Variants in AFF3 observed in about 807,000 individuals in gnomAD.
The protein encoded by AFF3 is AF4/FMR2 family member 3.
In AFF3, 32 loss-of-function variants were observed where a neutral mutation model predicts 129.7. The ratio of observed to expected loss-of-function variants is 0.25; its 90% CI spans 0.19 to 0.33. AFF3 has a LOEUF of 0.33. AFF3 is among the 10% of genes least tolerant of loss of function. The pLI is 1.00. For missense variants in AFF3, 1,373 were observed against 1,592.0 expected, an observed-to-expected ratio of 0.86 and a Z score of 2.34; for synonymous variants, 644 against 635.4, an observed-to-expected ratio of 1.01 and a Z score of -0.20.
rs61351679 is a variant in AFF3 at position 99,966,689 on chromosome 2, C to CAAAA, written c.873+39939_873+39942dup. Reference sequence around the variant, plus strand: ...TGGGCGACAGAGCGAGACTCCGTCTCAAAAAAAAAAAAAAAAAAAAAAAAA... The same window carrying CAAAA: ...TGGGCGACAGAGCGAGACTCCGTCTCAAAAAAAAAAAAAAAAAAAAAAAAAAAAA... On this transcript the variant is annotated intron_variant, in intron 7 of 24. Transcript: ENST00000672756. Among the ~76,000 whole-genome samples the CAAAA allele has an allele frequency of 5.6e-3, 204 of 36,734 alleles. 6 individuals are homozygous for CAAAA. Among genetic ancestry groups the CAAAA allele is most frequent in the East Asian group, 0.016 (8 of 492 alleles). 24.1% of individuals were successfully genotyped at this position (36,734 alleles called of 152,430 possible).
intron 4 of AFF3, among the ~76,000 whole-genome samples, chr2:100,076,893 A>G (rs1290005190): frequency 6.6e-6 from 1 of 152,182 alleles, no homozygotes; most frequent in Non-Finnish European, 1.5e-5. Flanking sequence ...CCACCTCCTA[A>G]TGCCTGCAAC....
intron 11 of AFF3, among the ~76,000 whole-genome samples, chr2:99,710,822 A>G (rs572410943): frequency 6.6e-6 from 1 of 152,270 alleles, no homozygotes; most frequent in East Asian, 1.9e-4. Flanking sequence ...CATATTTTAC[A>G]TGCTTTGGCA....
At chr2:100,028,822 A>G (rs1373978120) in intron 4 of AFF3, among the ~76,000 whole-genome samples, 4 of 152,222 alleles carry the variant, frequency 2.6e-5, no homozygotes, top group Non-Finnish European at 4.4e-5. Context: ...ATGGAAATAC[A>G]AAGTGGGCAC....
rs1338717244 is a variant in AFF3 at position 99,947,569 on chromosome 2, G to GA, written c.873+59062dup. ...AGAAAGAAAGAGAGAGAAAGAGAAA[G>GA]AAAGAAAAGAAAAGAAAGAAAGAAA... On this transcript the variant is annotated intron_variant, in intron 7 of 24. Transcript: ENST00000672756. 2.7e-3 allele frequency among the ~76,000 whole-genome samples: 372 copies of GA among 139,134 alleles called. 2 individuals carry two copies. Among genetic ancestry groups the GA allele is most frequent in the African/African-American group, 0.01 (333 of 32,900 alleles). 91.3% of individuals were successfully genotyped at this position (139,134 alleles called of 152,430 possible). A position where few individuals can be genotyped will look rare whatever the true frequency, so the allele number is the denominator to read the frequency against.
At chr2:99,817,965 GA>G (rs1436515220) in intron 8 of AFF3, among the ~76,000 whole-genome samples, 2 of 152,114 alleles carry the variant, frequency 1.3e-5, no homozygotes, top group African/African-American at 2.4e-5. Context: ...GCCTTCTTAT[GA>G]AGACATATGC....
chr2:99,778,895 CGCGTGTGT>C (rs59909977), intron 8 of AFF3, among the ~76,000 whole-genome samples: 91,171 of 137,040 alleles, frequency 0.67, 29,013 homozygotes, highest in South Asian at 0.86. Flanking sequence ...TGTGTGTGTG[CGCGTGTGT>C]GTGTGTGTGT....
intron 8 of AFF3, among the ~76,000 whole-genome samples, chr2:99,760,305 A>T (rs947175257): frequency 6.6e-6 from 1 of 152,202 alleles, no homozygotes; most frequent in Non-Finnish European, 1.5e-5. Flanking sequence ...AAACAGAAAG[A>T]TATTTAAAGA....
intron 8 of AFF3, among the ~76,000 whole-genome samples, chr2:99,817,301 A>G (rs933984552): frequency 5.3e-5 from 8 of 152,122 alleles, no homozygotes; most frequent in African/African-American, 1.4e-4. Context: ...ATTTGTTTAA[A>G]GTTTCTAGCC....
chr2:100,077,301 T>G (rs967370384), intron 4 of AFF3, among the ~76,000 whole-genome samples: 6 of 152,036 alleles, frequency 3.9e-5, no homozygotes, highest in African/African-American at 1.4e-4. Flanking sequence ...AGGCCCAAGG[T>G]AGTCGCTAAG....
rs528364152 is a variant in AFF3 at position 99,693,711 on chromosome 2, CA to C, written c.1092-21123del. 4.6e-5 allele frequency among the ~76,000 whole-genome samples: 7 copies of C among 152,004 alleles called. No homozygotes were observed. In the South Asian group the frequency reaches 1.0e-3, roughly 23 times the overall value. ...ACTTTTTCTATCTTTCCCTTATTAC[CA>C]AAAAATAATGTCATTAAAATCTTTT... On this transcript the variant is annotated intron_variant, in intron 11 of 24. Coordinates refer to ENST00000672756, the MANE Select transcript of AFF3 (RefSeq NM_001386135.1).
At chr2:99,851,052 T>C (rs1690106401) in intron 7 of AFF3, among the ~76,000 whole-genome samples, 1 of 152,216 alleles carries the variant, frequency 6.6e-6, no homozygotes, top group Non-Finnish European at 1.5e-5. Context: ...CTGTTTATAA[T>C]GATAATTAAG....
At chr2:99,717,903 T>C (rs577313074) in intron 11 of AFF3, among the ~76,000 whole-genome samples, 3 of 152,340 alleles carry the variant, frequency 2.0e-5, no homozygotes, top group African/African-American at 4.8e-5. Context: ...CCCTGAGAAG[T>C]TGCTCTGGCA....
At chr2:99,649,773 A>ACACAT in intron 12 of AFF3, 107 bp from the exon 13 acceptor site, 1 of 1,248,254 alleles carries the variant, frequency 8.0e-7, no homozygotes, top group African/African-American at 1.5e-5. Flanking sequence ...CATTTTTGCC[A>ACACAT]TGTGGCCAAA....
chr2:100,020,834 T>TACCC (rs1170169728), intron 4 of AFF3, among the ~76,000 whole-genome samples: 1 of 152,180 alleles, frequency 6.6e-6, no homozygotes, highest in Non-Finnish European at 1.5e-5. Flanking sequence ...CTGCTCTTCC[T>TACCC]ACCCCAGCCC....
Position 100,006,941 on chromosome 2 carries a change from A to G in AFF3, c.564T>C (p.Asn188=). The G allele has an allele frequency of 1.2e-6, 2 of 1,614,092 alleles. No homozygotes were observed. Among genetic ancestry groups the G allele is most frequent in the South Asian group, 1.1e-5 (1 of 91,074 alleles). Residue 188 remains asparagine (N), a synonymous_variant, in exon 7 of 25, where the codon AAT becomes AAC. Transcript: ENST00000672756. The part of the protein sequence containing the change: ...RQQPRAKQVC[N]VEVGLQTQER... ...CCTGGGTCTGAAGGCCCACCTCCAC[A>G]TTGCACACTTGTTTGGCCCGAGGCT...
In AFF3 at chr2:99,546,493, T is replaced by C. The variant is rs1674077632; in HGVS notation, c.*4981A>G. 4.3e-6 allele frequency: 1 copy of C among 232,756 alleles called. No homozygotes were observed. The highest frequency in any genetic ancestry group is 5.6e-5 in the Admixed American group (1 of 17,752). The allele number at this position is 232,756 out of a possible 1,614,324, so 14.4% of individuals were successfully genotyped here. A position where few individuals can be genotyped will look rare whatever the true frequency, so the allele number is the denominator to read the frequency against. ...GAGTGAGTTATGTCAGATGGTATAA[T>C]GGGAAAAAGACAAAGGATATTTGAA... On this transcript the variant is annotated 3_prime_UTR_variant, in exon 25 of 25. Transcript: ENST00000672756.
Position 99,549,152 on chromosome 2 carries a change from C to T in AFF3, c.*2322G>A. ...TGCAGGATAGACCTCCAGGGCCATCCCTTTATGTGTTTGAATATTTCATCA... is the reference window on the plus strand; with the variant it reads ...TGCAGGATAGACCTCCAGGGCCATCTCTTTATGTGTTTGAATATTTCATCA... On this transcript the variant is annotated 3_prime_UTR_variant, in exon 25 of 25. Coordinates refer to ENST00000672756, the MANE Select transcript of AFF3 (RefSeq NM_001386135.1). 1 of 221,190 alleles carries T rather than the reference C, an allele frequency of 4.5e-6. No individual in the cohort carries two copies. The highest frequency in any genetic ancestry group is 9.0e-6 in the Non-Finnish European group (1 of 110,628). The allele number at this position is 221,190 out of a possible 1,614,324, so 13.7% of individuals were successfully genotyped here.
intron 8 of AFF3, among the ~76,000 whole-genome samples, chr2:99,780,759 C>T (rs1684340817): frequency 6.6e-6 from 1 of 152,204 alleles, no homozygotes; most frequent in African/African-American, 2.4e-5. Context: ...TCACCCTGAG[C>T]ATGCCATATA....
chr2:99,894,655 T>G (rs1296745590), intron 7 of AFF3, among the ~76,000 whole-genome samples: 3 of 151,880 alleles, frequency 2.0e-5, no homozygotes, highest in African/African-American at 4.8e-5. Context: ...TTTTGTATTT[T>G]TAGTAAAGAT....
Sources: allele counts gnomAD v4.1 joint callset (sites outside exome capture counted in the v4.1 genomes callset), GRCh38; gene constraint gnomAD v4.1.1; transcripts MANE v1.5; gene names NCBI Gene and HGNC (gene_info 2026-07-23, HGNC 2026-07-21).